The following VPS13B variants were observed in gnomAD, a reference collection of about 807,000 sequenced individuals.
The protein encoded by VPS13B is intermembrane lipid transfer protein VPS13B.
In VPS13B, 285 loss-of-function variants were observed where a neutral mutation model predicts 426.4. The observed-to-expected ratio is 0.67, with a 90% CI of 0.61 to 0.74. The LOEUF is 0.74. Among genes scored for constraint, VPS13B ranks in the 30% least tolerant of loss-of-function variants. The probability of loss-of-function intolerance (pLI) is 0.00; values close to 1 mark genes in which losing one functional copy is unlikely to be tolerated. For missense variants in VPS13B, 4,537 were observed against 4,782.6 expected, an observed-to-expected ratio of 0.95 and a Z score of 1.51; for synonymous variants, 1,676 against 1,676.4, an observed-to-expected ratio of 1.00 and a Z score of 0.01.
At chr8:99,366,737 T>C (rs931962238) in intron 19 of VPS13B, among the ~76,000 whole-genome samples, 5 of 152,046 alleles carry the variant, frequency 3.3e-5, no homozygotes, top group African/African-American at 1.2e-4. Flanking sequence ...ATTTCTTGCT[T>C]TTATTTTTTG....
chr8:99,024,384 T>C (rs919684747), intron 2 of VPS13B, among the ~76,000 whole-genome samples: 1 of 152,252 alleles, frequency 6.6e-6, no homozygotes, highest in Non-Finnish European at 1.5e-5. Flanking sequence ...TAGACCAAAG[T>C]CCCAAAGCAT....
At chr8:99,640,053 A>AGAAGAAGAAGAAG (rs1364476294) in intron 33 of VPS13B, among the ~76,000 whole-genome samples, 9 of 48,780 alleles carry the variant, frequency 1.8e-4, no homozygotes, top group African/African-American at 7.6e-4. Context: ...GAAGAAGAGA[A>AGAAGAAGAAGAAG]AAGAAAAGAA....
At position 99,595,045 on chromosome 8, in the gene VPS13B, T is replaced by G. The variant is rs147417517; in HGVS notation, c.5220+17412T>G. 3.1e-4 allele frequency among the ~76,000 whole-genome samples: 47 copies of G among 152,126 alleles called. 1 individual carries two copies. The highest frequency in any genetic ancestry group is 3.4e-3 in the Middle Eastern group (1 of 294). On this transcript the variant is annotated intron_variant, in intron 33 of 61. Transcript: ENST00000357162. ...GACACTTGCATTTTCTCCTCAAAGATTCATTATTCCCAGTGTTTCTCTTCA... is the reference window on the plus strand; with the variant it reads ...GACACTTGCATTTTCTCCTCAAAGAGTCATTATTCCCAGTGTTTCTCTTCA...
At chr8:99,608,892 T>A (rs1385674550) in intron 33 of VPS13B, among the ~76,000 whole-genome samples, 3 of 152,068 alleles carry the variant, frequency 2.0e-5, no homozygotes, top group Admixed American at 1.3e-4. Flanking sequence ...TTTTTAAAAA[T>A]ATATATATAT....
At chr8:99,471,517 A>C (rs983048101) in intron 24 of VPS13B, among the ~76,000 whole-genome samples, 3 of 152,182 alleles carry the variant, frequency 2.0e-5, no homozygotes, top group African/African-American at 7.2e-5. Flanking sequence ...AAAAATACAA[A>C]AGGATAAAGC....
chr8:99,168,123 A>C (rs1159511073), intron 15 of VPS13B, among the ~76,000 whole-genome samples: 1 of 152,154 alleles, frequency 6.6e-6, no homozygotes, highest in African/African-American at 2.4e-5. Flanking sequence ...AGGAAGCAAA[A>C]ATATGACTCA....
intron 24 of VPS13B, among the ~76,000 whole-genome samples, chr8:99,469,951 A>T (rs1454185936): frequency 6.6e-6 from 1 of 152,182 alleles, no homozygotes; most frequent in African/African-American, 2.4e-5. Flanking sequence ...CCCAAGATGG[A>T]TAGTTCCCAC....
chr8:99,112,111 T>C (rs1847400140), intron 6 of VPS13B, among the ~76,000 whole-genome samples: 1 of 152,206 alleles, frequency 6.6e-6, no homozygotes, highest in African/African-American at 2.4e-5. Context: ...ATGTATGTGA[T>C]TAGTATCTAA....
intron 39 of VPS13B, among the ~76,000 whole-genome samples, chr8:99,734,472 C>A (rs958782119): frequency 1.4e-4 from 22 of 152,062 alleles, no homozygotes; most frequent in Non-Finnish European, 2.6e-4. Context: ...AATTACCCAG[C>A]AAAATACAGT....
intron 17 of VPS13B, among the ~76,000 whole-genome samples, chr8:99,247,176 C>T (rs910419923): frequency 1.3e-5 from 2 of 151,512 alleles, no homozygotes; most frequent in African/African-American, 4.8e-5. Flanking sequence ...TGTGCATGTT[C>T]AATTTTTTTT....
intron 3 of VPS13B, among the ~76,000 whole-genome samples, chr8:99,074,000 G>C (rs997548055): frequency 6.6e-6 from 1 of 151,880 alleles, no homozygotes; most frequent in Non-Finnish European, 1.5e-5. Context: ...CAAACTACTG[G>C]GCTCAAGTCC....
Position 99,861,902 on chromosome 8 carries a change from A to G in VPS13B, c.11171A>G (p.Glu3724Gly). 6.3e-7 allele frequency: 1 copy of G among 1,596,728 alleles called. No individual in the cohort carries two copies. The highest frequency in any genetic ancestry group is 8.5e-7 in the Non-Finnish European group (1 of 1,172,562). Residue 3724 changes from glutamate (E) to glycine (G), a missense_variant, in exon 58 of 62, where the codon GAG (glutamate) becomes GGG (glycine). Around this residue, in one of 2 missense-constraint regions of VPS13B, gnomAD observed 4,311 missense variants for 4,474.3 expected, o/e 0.96. Transcript: ENST00000357162. ...CGGCAGCTCCCCGAGAGCCTGGGCG[A>G]GGGGCTTCGACAGGGCCTGTCCCGG... ...WRRQLPESLG[E>G]GLRQGLSRLG...
chr8:99,666,639 G>T (rs922912278), intron 35 of VPS13B, among the ~76,000 whole-genome samples: 1 of 152,086 alleles, frequency 6.6e-6, no homozygotes, highest in Admixed American at 6.6e-5. Context: ...CAATAAATTA[G>T]GTATTGATGG....
intron 29 of VPS13B, among the ~76,000 whole-genome samples, chr8:99,515,766 G>A (rs1205065029): frequency 2.0e-5 from 3 of 151,954 alleles, no homozygotes; most frequent in African/African-American, 4.8e-5. Context: ...AAAATAGTAA[G>A]CGATGTCTAA....
chr8:99,425,343 A>T (rs1816634253), intron 21 of VPS13B, among the ~76,000 whole-genome samples: 1 of 152,226 alleles, frequency 6.6e-6, no homozygotes, highest in Non-Finnish European at 1.5e-5. Flanking sequence ...CAAATCCAGC[A>T]GCACATCACA....
intron 43 of VPS13B, among the ~76,000 whole-genome samples, chr8:99,798,090 C>T (rs1309018216): frequency 2.0e-5 from 3 of 152,224 alleles, no homozygotes; most frequent in African/African-American, 7.2e-5. Context: ...GAGGTAAACA[C>T]TTCTTGGGAC....
intron 39 of VPS13B, among the ~76,000 whole-genome samples, chr8:99,746,859 C>A (rs1588678708): frequency 6.6e-6 from 1 of 152,078 alleles, no homozygotes; most frequent in East Asian, 1.9e-4. Context: ...ACTTCCCTTG[C>A]CCCAATTCTG....
chr8:99,190,803 C>T (rs1043130920), intron 16 of VPS13B, among the ~76,000 whole-genome samples: 2 of 151,998 alleles, frequency 1.3e-5, no homozygotes, highest in African/African-American at 2.4e-5. Flanking sequence ...AATTCTTAAT[C>T]TTATTAGAAG....
Position 99,095,327 on chromosome 8 carries a change from T to G in VPS13B, c.292-985T>G, listed in dbSNP as rs1333116351. Among the ~76,000 whole-genome samples the G allele has an allele frequency of 7.9e-5, 12 of 152,298 alleles. No individual in the cohort carries two copies. The East Asian group carries it at 1.4e-3, about 17-fold the overall frequency. ...TCTTAGACACTGTATACTCTGGCCT[T>G]ATTTGACTAATCATCATTCTTTGTA... On this transcript the variant is annotated intron_variant, in intron 3 of 61. Coordinates refer to ENST00000357162, the MANE Select transcript of VPS13B (RefSeq NM_152564.5).
Sources: gnomAD v4.1 joint callset for allele counts (sites outside exome capture counted in the v4.1 genomes callset) on GRCh38, gnomAD v4.1.1 for gene constraint, gnomAD v4.1.1 regional missense constraint, MANE v1.5 for transcripts, NCBI Gene and HGNC (gene_info 2026-07-23, HGNC 2026-07-21) for gene names.